Variants in CAMTA2 observed in about 807,000 individuals in gnomAD.
CAMTA2 encodes calmodulin-binding transcription activator 2.
CAMTA2 carries 56 observed loss-of-function variants against 135.7 expected under a neutral mutation model. The observed-to-expected ratio is 0.41, with a 90% CI of 0.33 to 0.52. The LOEUF is 0.52. Ranked by LOEUF, CAMTA2 falls within the 20% of genes least tolerant of loss-of-function variation. The pLI is 0.16. For missense variants in CAMTA2, 1,358 were observed against 1,553.4 expected, an observed-to-expected ratio of 0.87 and a Z score of 2.11; for synonymous variants, 591 against 604.6, an observed-to-expected ratio of 0.98 and a Z score of 0.33.
rs762905350 is a variant in CAMTA2 at position 4,979,984 on chromosome 17, A to G, written c.1338T>C (p.Asp446=). 1 of 1,613,542 alleles carries G rather than the reference A, an allele frequency of 6.2e-7. No homozygotes were observed. The highest frequency in any genetic ancestry group is 1.1e-5 in the South Asian group (1 of 91,080). The change falls in exon 9 of 23, where the codon GAT becomes GAC. Residue 446 remains aspartate (D), a synonymous_variant. Coordinates refer to ENST00000348066, the MANE Select transcript of CAMTA2 (RefSeq NM_015099.4). ...CCTTGAGCTCCTCCCCACTGTCATC[A>G]TCTTGGATGAAGAAGCAGTTTCCTC... ...GRRGNCFFIQ[D]DDSGEELKGH...
chr17:4,983,348 T>C lies in CAMTA2; in HGVS notation c.136-305A>G, dbSNP rs190054450. 8.9e-5 allele frequency: 25 copies of C among 279,382 alleles called. No individual in the cohort carries two copies. The East Asian group carries it at 2.2e-3, about 25-fold the overall frequency. 17.3% of individuals were successfully genotyped at this position (279,382 alleles called of 1,614,324 possible). A position where few individuals can be genotyped will look rare whatever the true frequency, so the allele number is the denominator to read the frequency against. On this transcript the variant is annotated intron_variant, in intron 3 of 22. Transcript: ENST00000348066. Reference sequence around the variant, plus strand: ...CCCAGGCTGGAGTGCAATGGCGCGATCTCAGCTCACTGCAACCTCTGCCTC... The same window carrying C: ...CCCAGGCTGGAGTGCAATGGCGCGACCTCAGCTCACTGCAACCTCTGCCTC...
chr17:4,978,677 C>T lies in CAMTA2; in HGVS notation c.1639-47G>A, dbSNP rs147034090. The T allele has an allele frequency of 2.5e-4, 392 of 1,594,870 alleles. 3 individuals carry two copies. The East Asian group carries it at 8.7e-3, about 35-fold the overall frequency. Reference sequence around the variant, plus strand: ...CATGTGACTGGAGTTGGGCGTTCATCCCCTCACTCATTCATTTATTCAGAC... The same window carrying T: ...CATGTGACTGGAGTTGGGCGTTCATTCCCTCACTCATTCATTTATTCAGAC... On this transcript the variant is annotated intron_variant, in intron 9 of 22. Coordinates refer to ENST00000348066, the MANE Select transcript of CAMTA2 (RefSeq NM_015099.4).
intron 6 of CAMTA2, 89 bp downstream of exon 6, chr17:4,982,000 A>C: frequency 5.3e-6 from 7 of 1,312,254 alleles, no homozygotes; most frequent in Non-Finnish European, 7.7e-6. Context: ...CTCACTCAGA[A>C]CTCAGCCATC....
Position 4,973,003 on chromosome 17 carries a change from G to T in CAMTA2, c.2281-12C>A. On this transcript the variant is annotated splice_polypyrimidine_tract_variant and intron_variant, in intron 14 of 22. Coordinates refer to ENST00000348066, the MANE Select transcript of CAMTA2 (RefSeq NM_015099.4). ...GCACAAGCCCACATCTGAGGAAGGGGGCGGGACAGGCGGAGACGGAGGTGG... is the reference window on the plus strand; with the variant it reads ...GCACAAGCCCACATCTGAGGAAGGGTGCGGGACAGGCGGAGACGGAGGTGG... 6.2e-7 allele frequency: 1 copy of T among 1,605,892 alleles called. No homozygotes were observed. Among genetic ancestry groups the T allele is most frequent in the Non-Finnish European group, 8.5e-7 (1 of 1,174,468 alleles).
chr17:4,979,869 C>T lies in CAMTA2; in HGVS notation c.1453G>A (p.Gly485Arg). 6.2e-7 allele frequency: 1 copy of T among 1,613,376 alleles called. No individual in the cohort carries two copies. The highest frequency in any genetic ancestry group is 8.5e-7 in the Non-Finnish European group (1 of 1,179,904). Residue 485 changes from glycine to arginine, a missense_variant, in exon 9 of 23, where the codon GGA becomes AGA. Gly to Arg is a moderately radical substitution (Grantham distance 125). Coordinates refer to ENST00000348066, the MANE Select transcript of CAMTA2 (RefSeq NM_015099.4). ...PLEPSSRVGR[G>R]EALFGGPVGA... ...ACAGGTCCTCCAAACAAGGCCTCTC[C>T]TCTTCCTACCCTGCTTGACGGCTCC...
intron 3 of CAMTA2, among the ~76,000 whole-genome samples, chr17:4,984,425 G>T (rs367813119): frequency 6.6e-6 from 1 of 152,060 alleles, no homozygotes; most frequent in Non-Finnish European, 1.5e-5. Context: ...CTACAAGGCA[G>T]GTACCATGTG....
At chr17:4,974,088 T>C in intron 12 of CAMTA2, 1 of 524,662 alleles carries the variant, frequency 1.9e-6, no homozygotes, top group Non-Finnish European at 3.4e-6. Context: ...TTTCAGAAAC[T>C]TGGGACCCAC....
chr17:4,981,407 CCA>C (rs1434914018), intron 7 of CAMTA2, 48 bp from the exon 8 acceptor site: 1 of 1,602,014 alleles, frequency 6.2e-7, no homozygotes. Context: ...GAAACAGGCC[CCA>C]GAGTACCTTG....
chr17:4,986,227 A>G lies in CAMTA2; in HGVS notation c.-5T>C, dbSNP rs760311019. The G allele has an allele frequency of 1.2e-6, 2 of 1,608,140 alleles. No individual in the cohort carries two copies. The highest frequency in any genetic ancestry group is 2.2e-5 in the East Asian group (1 of 44,842). The stretch of plus-strand genomic sequence containing the variant: ...GGTGGTGTCCTTGGTATTCATGGTG[A>G]GGGCTCCAGGGGGCAAGGTCACCCC... On this transcript the variant is annotated 5_prime_UTR_variant, in exon 2 of 23. Transcript: ENST00000348066.
chr17:4,973,879 C>A, intron 12 of CAMTA2, 110 bp from the exon 13 acceptor site: 3 of 846,874 alleles, frequency 3.5e-6, no homozygotes, highest in South Asian at 3.6e-5. Flanking sequence ...GCCCCCTCCC[C>A]ACATGTCCCA....
rs1972961537 is a variant in CAMTA2 at position 4,981,573 on chromosome 17, G to A, written c.565+105C>T. The A allele has an allele frequency of 4.3e-6, 6 of 1,383,134 alleles. No homozygotes were observed. The South Asian group carries it at 8.3e-5, about 19-fold the overall frequency. 85.7% of individuals were successfully genotyped at this position (1,383,134 alleles called of 1,614,324 possible). A position where few individuals can be genotyped will look rare whatever the true frequency, so the allele number is the denominator to read the frequency against. On this transcript the variant is annotated intron_variant, in intron 7 of 22. Transcript: ENST00000348066. The stretch of plus-strand genomic sequence containing the variant: ...GGAATCCTAGCACCCTCCCAGCTTG[G>A]AGGGAGATGATCAGCCCTCAGGCTT...
intron 1 of CAMTA2, chr17:4,987,262 A>C (rs1178824418): frequency 7.4e-6 from 10 of 1,344,036 alleles, no homozygotes; most frequent in Non-Finnish European, 8.5e-6. Flanking sequence ...TGGTGGTCCC[A>C]GGAGAACCTC....
intron 3 of CAMTA2, chr17:4,983,754 T>C (rs1973102909): frequency 6.6e-6 from 1 of 151,926 alleles, no homozygotes; most frequent in Non-Finnish European, 1.5e-5. Flanking sequence ...CAGCTAATTT[T>C]TGTATTTTTA....
Position 4,977,112 on chromosome 17 carries a change from C to A in CAMTA2, c.1846G>T (p.Ala616Ser). 2 of 1,614,092 alleles carry A rather than the reference C, an allele frequency of 1.2e-6. No individual in the cohort carries two copies. Among genetic ancestry groups the A allele is most frequent in the Non-Finnish European group, 1.7e-6 (2 of 1,180,014 alleles). ...CTAGGCAGAGACAGGAATCGGCGGG[C>A]TCGATACTCAAAGAGCACAGAAGCA... ...LSASVLFEYR[A>S]RRFLSLPSTQ... The change falls in exon 11 of 23, where the codon GCC becomes TCC. Residue 616 changes from alanine to serine, a missense_variant. Coordinates refer to ENST00000348066, the MANE Select transcript of CAMTA2 (RefSeq NM_015099.4).
intron 1 of CAMTA2, 77 bp from the exon 2 acceptor site, chr17:4,986,363 G>T (rs1973298935): frequency 1.6e-6 from 1 of 640,640 alleles, no homozygotes; most frequent in Non-Finnish European, 2.7e-6. Context: ...TAGGGAGTGG[G>T]TATAGAACTG....
At chr17:4,973,019 A>C (rs775410160) in intron 14 of CAMTA2, 28 bp from the exon 15 acceptor site, 1 of 1,595,100 alleles carries the variant, frequency 6.3e-7, no homozygotes, top group South Asian at 1.1e-5. Context: ...ACAGGCGGAG[A>C]CGGAGGTGGA....
intron 1 of CAMTA2, chr17:4,987,020 G>A: frequency 7.0e-7 from 1 of 1,430,932 alleles, no homozygotes; most frequent in Non-Finnish European, 9.1e-7. Flanking sequence ...GGAGCTGGCG[G>A]AGGCTCTCAG....
chr17:4,987,272 C>T, intron 1 of CAMTA2: 1 of 1,341,828 alleles, frequency 7.5e-7, no homozygotes, highest in Non-Finnish European at 9.5e-7. Context: ...AGGAGAACCT[C>T]CGAGGTGGGA....
rs1972155884 is a variant in CAMTA2, at chr17:4,969,851, T to C, written c.3189+51A>G. On this transcript the variant is annotated intron_variant, in intron 18 of 22. Coordinates refer to ENST00000348066, the MANE Select transcript of CAMTA2 (RefSeq NM_015099.4). This position sits in a 1 kb window ranked among gnomAD's most constrained non-coding sequence, Gnocchi z 5.6. ...TCCTCCAAAAGCCCTGGGAGCCCAG[T>C]CTCCCCTGACTGGAGATTGTGTAAT... is the stretch of plus-strand genomic sequence containing the variant. The C allele has an allele frequency of 6.2e-7, 1 of 1,600,256 alleles. No individual in the cohort carries two copies. The highest frequency in any genetic ancestry group is 8.6e-7 in the Non-Finnish European group (1 of 1,168,926).
Sources: allele counts gnomAD v4.1 joint callset (sites outside exome capture counted in the v4.1 genomes callset), GRCh38; gene constraint gnomAD v4.1.1; non-coding constraint Gnocchi (gnomAD v3.1); transcripts MANE v1.5; gene names NCBI Gene and HGNC (gene_info 2026-07-23, HGNC 2026-07-21).